DYNC2H1: variants seen among roughly 807,000 people sequenced by gnomAD.
The protein encoded by DYNC2H1 is cytoplasmic dynein 2 heavy chain 1.
DYNC2H1 carries 410 observed loss-of-function variants against 570.0 expected under a neutral mutation model. The observed-to-expected ratio is 0.72, with a 90% CI of 0.66 to 0.78. The LOEUF (loss-of-function observed/expected upper bound fraction) is 0.78, where lower values mean the gene tolerates loss of function less well. Ranked by LOEUF, DYNC2H1 falls within the 30% of genes least tolerant of loss-of-function variation. The pLI, the probability that DYNC2H1 is intolerant of heterozygous loss-of-function variation, is 0.00. For synonymous variants in DYNC2H1, 1,688 were observed against 1,677.6 expected (o/e 1.01, Z -0.15); for missense variants, 4,865 against 5,046.4 (o/e 0.96, Z 1.09).
chr11:103,393,106 A>G (rs566632931), intron 83 of DYNC2H1, among the ~76,000 whole-genome samples: 7 of 150,942 alleles, frequency 4.6e-5, no homozygotes, highest in African/African-American at 1.5e-4. Context: ...CTGCTCTTGA[A>G]CTCCTGACCT....
chr11:103,187,603 G>A lies in DYNC2H1; in HGVS notation c.7140+17G>A, dbSNP rs566319522. 7 of 1,608,484 alleles carry A rather than the reference G, an allele frequency of 4.4e-6. No homozygotes were observed. Among genetic ancestry groups the A allele is most frequent in the Non-Finnish European group, 5.9e-6 (7 of 1,178,078 alleles). On this transcript the variant is annotated intron_variant, in intron 43 of 88. Transcript: ENST00000375735. ...CTACAACAGGTAAGTCATATTGCTTGAAGTGTTTTAATCTAATTGGAAACA... is the reference window on the plus strand; with the variant it reads ...CTACAACAGGTAAGTCATATTGCTTAAAGTGTTTTAATCTAATTGGAAACA...
intron 71 of DYNC2H1, 67 bp from the exon 72 acceptor site, chr11:103,282,112 A>T: frequency 1.4e-6 from 2 of 1,459,260 alleles, no homozygotes; most frequent in African/African-American, 1.4e-5. Flanking sequence ...TTATAAGGAA[A>T]GTTAGACAAT....
intron 85 of DYNC2H1, among the ~76,000 whole-genome samples, chr11:103,451,006 A>G (rs961287450): frequency 2.0e-5 from 3 of 152,186 alleles, no homozygotes; most frequent in African/African-American, 7.2e-5. Flanking sequence ...TATGTTTCCA[A>G]TACCAGTTAT....
At chr11:103,460,054 A>T (rs915890771) in intron 87 of DYNC2H1, among the ~76,000 whole-genome samples, 58 of 149,342 alleles carry the variant, frequency 3.9e-4, no homozygotes, top group Admixed American at 2.7e-3. Flanking sequence ...GGGTTTTGCT[A>T]TGTGGCCCAG....
intron 75 of DYNC2H1, among the ~76,000 whole-genome samples, chr11:103,288,160 C>T (rs1376247062): frequency 1.3e-5 from 2 of 152,080 alleles, no homozygotes; most frequent in African/African-American, 2.4e-5. Context: ...CAGCCACAGG[C>T]TGCATTACCC....
At chr11:103,390,023 C>T (rs575568657) in intron 83 of DYNC2H1, among the ~76,000 whole-genome samples, 2 of 152,258 alleles carry the variant, frequency 1.3e-5, no homozygotes, top group East Asian at 3.9e-4. Flanking sequence ...CCACTTGGTG[C>T]AGAGCTGAGT....
intron 82 of DYNC2H1, among the ~76,000 whole-genome samples, chr11:103,327,984 G>T (rs985734390): frequency 6.6e-6 from 1 of 152,136 alleles, no homozygotes; most frequent in Non-Finnish European, 1.5e-5. Flanking sequence ...TAAGGAAATA[G>T]TACTATGAGA....
In DYNC2H1 at chr11:103,203,588, C is replaced by G; in HGVS notation, c.8198-75C>G. 1 of 902,996 alleles carries G rather than the reference C, an allele frequency of 1.1e-6. No individual in the cohort carries two copies. The highest frequency in any genetic ancestry group is 2.8e-5 in the Admixed American group (1 of 35,736). The allele number at this position is 902,996 out of a possible 1,614,324, so 55.9% of individuals were successfully genotyped here. On this transcript the variant is annotated intron_variant, in intron 50 of 88. Transcript: ENST00000375735. This position sits in a 1 kb window ranked among gnomAD's most constrained non-coding sequence, Gnocchi z 4.7. Reference sequence around the variant, plus strand: ...TTTGGAAATAAAGATTGAATAAGAGCAGATTTTTAAATACAAAAATTGAAA... The same window carrying G: ...TTTGGAAATAAAGATTGAATAAGAGGAGATTTTTAAATACAAAAATTGAAA...
At position 103,239,254 on chromosome 11, in the gene DYNC2H1, A is replaced by G. The variant is rs549964500; in HGVS notation, c.9819+2715A>G. On this transcript the variant is annotated intron_variant, in intron 63 of 88. Coordinates refer to ENST00000375735, the MANE Select transcript of DYNC2H1 (RefSeq NM_001377.3). This position sits in a 1 kb window ranked among gnomAD's most constrained non-coding sequence, Gnocchi z 4.3. Reference sequence around the variant, plus strand: ...TTTTTTTCTTGCTGCCTTTTGGTATATGCTGAGGAAATGCAAACTAATGTG... The same window carrying G: ...TTTTTTTCTTGCTGCCTTTTGGTATGTGCTGAGGAAATGCAAACTAATGTG... Among the ~76,000 whole-genome samples the G allele has an allele frequency of 3.9e-5, 6 of 152,218 alleles. No homozygotes were observed. Among genetic ancestry groups the G allele is most frequent in the Admixed American group, 3.3e-4 (5 of 15,276 alleles).
At chr11:103,367,761 C>T (rs1940976359) in intron 83 of DYNC2H1, among the ~76,000 whole-genome samples, 1 of 152,056 alleles carries the variant, frequency 6.6e-6, no homozygotes, top group East Asian at 1.9e-4. Context: ...TTTTATCTTC[C>T]CTTTATGTAT....
Position 103,348,927 on chromosome 11 carries a change from C to A in DYNC2H1, c.12040-9316C>A, listed in dbSNP as rs1939900378. Among the ~76,000 whole-genome samples, 2 of 152,140 alleles carry A rather than the reference C, an allele frequency of 1.3e-5. 1 individual carries two copies. Among genetic ancestry groups the A allele is most frequent in the South Asian group, 4.1e-4 (2 of 4,832 alleles). On this transcript the variant is annotated intron_variant, in intron 82 of 88. Coordinates refer to ENST00000375735, the MANE Select transcript of DYNC2H1 (RefSeq NM_001377.3). ...AGGGGCTTTCCCCCACATTGCTCTG[C>A]ACTTCTCTCTCCTACTCCATGTGAA...
intron 75 of DYNC2H1, 134 bp downstream of exon 75, chr11:103,287,739 A>T: frequency 1.3e-6 from 1 of 755,326 alleles, no homozygotes; most frequent in African/African-American, 1.8e-5. Flanking sequence ...TTTATCTTCC[A>T]ATCTCTACCT....
At chr11:103,333,424 A>C in intron 82 of DYNC2H1, among the ~76,000 whole-genome samples, 1 of 152,028 alleles carries the variant, frequency 6.6e-6, no homozygotes, top group Non-Finnish European at 1.5e-5. Context: ...CCACTTCGCC[A>C]GGCTAACTTT....
In DYNC2H1 at chr11:103,333,420, C is replaced by T. The variant is rs370389649; in HGVS notation, c.12039+9430C>T. ...CTGGGACTACAGGTACCCACCACTTCGCCAGGCTAACTTTTTGTATTTTTA... is the reference window on the plus strand; with the variant it reads ...CTGGGACTACAGGTACCCACCACTTTGCCAGGCTAACTTTTTGTATTTTTA... On this transcript the variant is annotated intron_variant, in intron 82 of 88. Transcript: ENST00000375735. Among the ~76,000 whole-genome samples the T allele has an allele frequency of 2.1e-4, 32 of 152,234 alleles. No individual in the cohort carries two copies. The East Asian group carries it at 2.1e-3, about 10-fold the overall frequency.
chr11:103,167,082 T>C (rs1393917772), intron 31 of DYNC2H1, among the ~76,000 whole-genome samples: 1 of 151,178 alleles, frequency 6.6e-6, no homozygotes, highest in Non-Finnish European at 1.5e-5. Flanking sequence ...CTTTCCTTTA[T>C]TATTTCCATT....
At chr11:103,368,442 G>GT (rs112701562) in intron 83 of DYNC2H1, among the ~76,000 whole-genome samples, 5,012 of 148,998 alleles carry the variant, frequency 0.034, 159 homozygotes, top group African/African-American at 0.076. Context: ...TCACATTTGG[G>GT]TTTTTTTTTT....
intron 83 of DYNC2H1, among the ~76,000 whole-genome samples, chr11:103,364,355 A>C (rs1337447621): frequency 1.3e-5 from 2 of 151,114 alleles, no homozygotes; most frequent in South Asian, 2.1e-4. Context: ...CTGGTATTTG[A>C]TTTGATTACT....
chr11:103,197,839 T>G, intron 47 of DYNC2H1, 94 bp from the exon 48 acceptor site: 1 of 1,348,182 alleles, frequency 7.4e-7, no homozygotes, highest in Non-Finnish European at 1.0e-6. Flanking sequence ...CTTATTTGGA[T>G]TATTAACTTA....
chr11:103,336,904 C>A (rs1218950261), intron 82 of DYNC2H1, among the ~76,000 whole-genome samples: 1 of 152,046 alleles, frequency 6.6e-6, no homozygotes, highest in Admixed American at 6.6e-5. Context: ...TGGATATATA[C>A]CCAGATTGCT....
Sources: gnomAD v4.1 joint callset for allele counts (sites outside exome capture counted in the v4.1 genomes callset) on GRCh38, gnomAD v4.1.1 for gene constraint, Gnocchi (gnomAD v3.1) non-coding constraint, MANE v1.5 for transcripts, NCBI Gene and HGNC (gene_info 2026-07-23, HGNC 2026-07-21) for gene names.